TMPRSS5: variants seen among roughly 807,000 people sequenced by gnomAD.
TMPRSS5 encodes the protein transmembrane serine protease 5.
TMPRSS5 carries 45 observed loss-of-function variants against 59.7 expected under a neutral mutation model. The ratio of observed to expected loss-of-function variants is 0.75; its 90% CI spans 0.59 to 0.97. The LOEUF is 0.97. Ranked by LOEUF, TMPRSS5 falls within the 50% of genes least tolerant of loss-of-function variation. The probability of loss-of-function intolerance (pLI) is 0.00; values close to 1 mark genes in which losing one functional copy is unlikely to be tolerated. For missense variants in TMPRSS5, 585 were observed against 596.7 expected, an observed-to-expected ratio of 0.98 and a Z score of 0.20; for synonymous variants, 225 against 232.0, an observed-to-expected ratio of 0.97 and a Z score of 0.27.
intron 1 of TMPRSS5, among the ~76,000 whole-genome samples, chr11:113,703,896 A>G (rs995109709): frequency 6.6e-6 from 1 of 152,216 alleles, no homozygotes; most frequent in Non-Finnish European, 1.5e-5. Context: ...TTTCCTTTAT[A>G]AATTACCCAG....
At chr11:113,699,929 G>C in intron 2 of TMPRSS5, 137 bp downstream of exon 2, 1 of 1,524,848 alleles carries the variant, frequency 6.6e-7, no homozygotes, top group Non-Finnish European at 8.8e-7. Context: ...AGCAGAAGCA[G>C]GTCTGGGGAT....
chr11:113,700,369 C>A (rs953003369), intron 1 of TMPRSS5, among the ~76,000 whole-genome samples: 4 of 152,192 alleles, frequency 2.6e-5, no homozygotes, highest in African/African-American at 9.7e-5. Flanking sequence ...GGCCCCTAAC[C>A]CCAATGACCT....
At chr11:113,693,846 T>C (rs1287584574) in intron 8 of TMPRSS5, 2 of 152,306 alleles carry the variant, frequency 1.3e-5, no homozygotes, top group Non-Finnish European at 2.9e-5. Context: ...GAGTCCCTGC[T>C]CCTGCAGAGC....
chr11:113,697,074 TG>T, intron 5 of TMPRSS5, 103 bp from the exon 6 acceptor site: 2 of 1,166,564 alleles, frequency 1.7e-6, no homozygotes, highest in Admixed American at 2.0e-5. Context: ...TGATTACTGC[TG>T]GGGTTTATGC....
intron 6 of TMPRSS5, among the ~76,000 whole-genome samples, 190 bp downstream of exon 6, chr11:113,696,668 T>C (rs1952935640): frequency 6.6e-6 from 1 of 152,206 alleles, no homozygotes; most frequent in Non-Finnish European, 1.5e-5. Flanking sequence ...AAATAGCAGA[T>C]GTGAAGTGGT....
chr11:113,699,412 T>A (rs1459762159), intron 3 of TMPRSS5, among the ~76,000 whole-genome samples, 183 bp downstream of exon 3: 1 of 152,044 alleles, frequency 6.6e-6, no homozygotes, highest in Non-Finnish European at 1.5e-5. Flanking sequence ...CCTCCTTGGA[T>A]CATACACTTT....
rs577526530 is a variant in TMPRSS5 at position 113,698,975 on chromosome 11, A to G, written c.258T>C (p.Asp86=). The G allele has an allele frequency of 6.2e-7, 1 of 1,607,808 alleles. No homozygotes were observed. ...CTGAGCAGCTCAAAGTTATCTCCTC[A>G]TCCTGCAAGGTCCCGGAAATGGGCT... The part of the protein sequence containing the change: ...ASQPISGTLQ[D]EEITLSCSEA... The change falls in exon 4 of 13, where the codon GAT becomes GAC. Residue 86 remains aspartate (D), a synonymous_variant. Coordinates refer to ENST00000299882, the MANE Select transcript of TMPRSS5 (RefSeq NM_030770.4).
intron 2 of TMPRSS5, 111 bp downstream of exon 2, chr11:113,699,955 C>T (rs1437194160): frequency 5.8e-6 from 9 of 1,540,206 alleles, no homozygotes; most frequent in Admixed American, 2.0e-5. Context: ...GTGAGACAGC[C>T]TCTCACCATC....
chr11:113,703,551 T>C (rs563682031), intron 1 of TMPRSS5, among the ~76,000 whole-genome samples: 1 of 152,234 alleles, frequency 6.6e-6, no homozygotes, highest in South Asian at 2.1e-4. Flanking sequence ...GGACATGAGA[T>C]TTGGAAGGGA....
intron 2 of TMPRSS5, 172 bp downstream of exon 2, chr11:113,699,894 T>C: frequency 6.7e-7 from 1 of 1,500,578 alleles, no homozygotes; most frequent in Non-Finnish European, 8.9e-7. Context: ...CAAATCCCAC[T>C]CAATCCCTAA....
Position 113,698,987 on chromosome 11 carries a change from C to T in TMPRSS5, c.246G>A (p.Gly82=). The change falls in exon 4 of 13, where the codon GGG becomes GGA. Residue 82 remains glycine, a synonymous_variant. Coordinates refer to ENST00000299882, the MANE Select transcript of TMPRSS5 (RefSeq NM_030770.4). ...LCPAASQPIS[G]TLQDEEITLS... ...AAGTTATCTCCTCATCCTGCAAGGTCCCGGAAATGGGCTGAGAGGCAGCAG... is the reference window on the plus strand; with the variant it reads ...AAGTTATCTCCTCATCCTGCAAGGTTCCGGAAATGGGCTGAGAGGCAGCAG... 2 of 1,610,104 alleles carry T rather than the reference C, an allele frequency of 1.2e-6. No homozygotes were observed. Among genetic ancestry groups the T allele is most frequent in the Non-Finnish European group, 1.7e-6 (2 of 1,178,392 alleles).
At chr11:113,691,882 C>CT (rs1335395772) in intron 9 of TMPRSS5, among the ~76,000 whole-genome samples, 3 of 70,780 alleles carry the variant, frequency 4.2e-5, no homozygotes, top group Non-Finnish European at 5.5e-5. Flanking sequence ...GTTTTCTTTT[C>CT]CTTTTTTTTC....
At position 113,690,274 on chromosome 11, in the gene TMPRSS5, A is replaced by G. The variant is rs780746952; in HGVS notation, c.1163T>C (p.Met388Thr). Residue 388 changes from methionine to threonine, a missense_variant, in exon 11 of 13, where the codon ATG becomes ACG. Transcript: ENST00000299882. ...TCCGTCCAGGTAGCCAGCGCAAAGC[A>G]TGCGGGGGGTGAGGGCTCCGCTGTA... Reference protein sequence around the residue: ...CVYSGALTPRMLCAGYLDGRA... With the variant: ...CVYSGALTPRTLCAGYLDGRA... 1 of 1,565,386 alleles carries G rather than the reference A, an allele frequency of 6.4e-7. No homozygotes were observed. The highest frequency in any genetic ancestry group is 8.6e-7 in the Non-Finnish European group (1 of 1,156,158).
chr11:113,690,287 G>C lies in TMPRSS5; in HGVS notation c.1150C>G (p.Leu384Val). 6.3e-7 allele frequency: 1 copy of C among 1,576,620 alleles called. No homozygotes were observed. Among genetic ancestry groups the C allele is most frequent in the Non-Finnish European group, 8.6e-7 (1 of 1,162,364 alleles). The change falls in exon 11 of 13, where the codon CTC becomes GTC. Residue 384 changes from leucine (L) to valine (V), a missense_variant. By Grantham distance (32) the Leu-to-Val change is conservative. Transcript: ENST00000299882. ...CNSSCVYSGA[L>V]TPRMLCAGYL... Reference sequence around the variant, plus strand: ...CCAGCGCAAAGCATGCGGGGGGTGAGGGCTCCGCTGTACACGCAAGAGCTG... The same window carrying C: ...CCAGCGCAAAGCATGCGGGGGGTGACGGCTCCGCTGTACACGCAAGAGCTG...
At chr11:113,697,255 C>T in intron 5 of TMPRSS5, 28 bp downstream of exon 5, 2 of 1,595,726 alleles carry the variant, frequency 1.3e-6, no homozygotes, top group Non-Finnish European at 1.7e-6. Flanking sequence ...CCTCCCCCTT[C>T]ACAGGACCCA....
intron 1 of TMPRSS5, among the ~76,000 whole-genome samples, chr11:113,701,157 TA>T (rs1424256688): frequency 6.6e-6 from 1 of 152,248 alleles, no homozygotes; most frequent in Non-Finnish European, 1.5e-5. Context: ...AACAAACTAA[TA>T]CAGTAAATTG....
rs115604269 is a variant in TMPRSS5, at chr11:113,696,977, C to T, written c.465-6G>A. 2,163 of 1,559,044 alleles carry T rather than the reference C, an allele frequency of 1.4e-3. 21 individuals carry two copies. In the African/African-American group the frequency reaches 0.026, roughly 18 times the overall value. Reference sequence around the variant, plus strand: ...CTCCCTTGTGGTGAGTGAGTCTTGGCAGAAGAAGGGAATAGAACAGGAGGA... The same window carrying T: ...CTCCCTTGTGGTGAGTGAGTCTTGGTAGAAGAAGGGAATAGAACAGGAGGA... On this transcript the variant is annotated splice_region_variant and splice_polypyrimidine_tract_variant and intron_variant, in intron 5 of 12. Coordinates refer to ENST00000299882, the MANE Select transcript of TMPRSS5 (RefSeq NM_030770.4).
At chr11:113,692,681 C>G (rs554896726) in intron 9 of TMPRSS5, among the ~76,000 whole-genome samples, 2 of 152,136 alleles carry the variant, frequency 1.3e-5, no homozygotes, top group Non-Finnish European at 2.9e-5. Flanking sequence ...AGGGTTGTTA[C>G]GAGGACTGAA....
intron 11 of TMPRSS5, 89 bp downstream of exon 11, chr11:113,690,141 AC>A: frequency 6.8e-7 from 1 of 1,472,904 alleles, no homozygotes; most frequent in Non-Finnish European, 9.0e-7. Flanking sequence ...ACAAGCTCAG[AC>A]CAGGGCAGGG....
Sources: gnomAD v4.1 joint callset for allele counts (sites outside exome capture counted in the v4.1 genomes callset) on GRCh38, gnomAD v4.1.1 for gene constraint, MANE v1.5 for transcripts, NCBI Gene and HGNC (gene_info 2026-07-23, HGNC 2026-07-21) for gene names.